PRKCH: variants seen among roughly 807,000 people sequenced by gnomAD.
The protein encoded by PRKCH is protein kinase C eta.
Under a neutral mutation model 82.5 loss-of-function variants are expected in PRKCH, and 28 were observed. The observed-to-expected ratio is 0.34, with a 90% CI of 0.25 to 0.47. PRKCH has a LOEUF of 0.47. Among genes scored for constraint, PRKCH ranks in the 20% least tolerant of loss-of-function variants. The probability of loss-of-function intolerance (pLI) is 1.00; values close to 1 mark genes in which losing one functional copy is unlikely to be tolerated. For synonymous variants in PRKCH, 322 were observed against 327.4 expected (o/e 0.98, Z 0.18); for missense variants, 705 against 881.8 (o/e 0.80, Z 2.54).
At chr14:61,200,585 A>T (rs2044473517) in intron 1 of PRKCH, among the ~76,000 whole-genome samples, 1 of 152,182 alleles carries the variant, frequency 6.6e-6, no homozygotes, top group Non-Finnish European at 1.5e-5. Flanking sequence ...AAAATTGACC[A>T]TTCAGCTCAC....
chr14:61,529,888 TA>T (rs1297277454), intron 11 of PRKCH, among the ~76,000 whole-genome samples: 1 of 117,044 alleles, frequency 8.5e-6, no homozygotes, highest in Non-Finnish European at 1.8e-5. Flanking sequence ...GCATGTACCC[TA>T]AAACTTAAAG....
intron 5 of PRKCH, among the ~76,000 whole-genome samples, chr14:61,449,894 CTCTCTCTGTG>C (rs60896442): frequency 0.074 from 1,831 of 24,824 alleles, 19 homozygotes; most frequent in East Asian, 0.36. Context: ...CTCTCTCTCT[CTCTCTCTGTG>C]TGTGTGTGTG....
At chr14:61,435,457 G>C (rs1238161314) in intron 2 of PRKCH, among the ~76,000 whole-genome samples, 1 of 151,874 alleles carries the variant, frequency 6.6e-6, no homozygotes, top group African/African-American at 2.4e-5. Context: ...CCGAGAAGAG[G>C]GTTCAGCCCA....
intron 2 of PRKCH, among the ~76,000 whole-genome samples, chr14:61,396,081 GAAAA>G (rs34478520): frequency 2.5e-5 from 3 of 120,564 alleles, no homozygotes; most frequent in African/African-American, 6.4e-5. Context: ...CCTTGTTTCA[GAAAA>G]AAAAAAAAAA....
At chr14:61,436,222 C>T (rs1179507679) in intron 2 of PRKCH, among the ~76,000 whole-genome samples, 3 of 152,146 alleles carry the variant, frequency 2.0e-5, no homozygotes, top group Admixed American at 6.5e-5. Context: ...TGCTATGAGC[C>T]GTAGGTCCTA....
intron 10 of PRKCH, among the ~76,000 whole-genome samples, chr14:61,515,498 T>C (rs1350437881): frequency 1.3e-5 from 2 of 152,206 alleles, no homozygotes; most frequent in Non-Finnish European, 2.9e-5. Context: ...CACTTGACAC[T>C]AAACAGAGAT....
intron 1 of PRKCH, among the ~76,000 whole-genome samples, chr14:61,264,009 G>C (rs1266227216): frequency 6.6e-6 from 1 of 152,042 alleles, no homozygotes; most frequent in African/African-American, 2.4e-5. Context: ...TTGTTTAACT[G>C]AGTCCTTGCT....
intron 1 of PRKCH, among the ~76,000 whole-genome samples, chr14:61,295,099 C>G (rs907212023): frequency 6.6e-6 from 1 of 152,174 alleles, no homozygotes; most frequent in Non-Finnish European, 1.5e-5. Flanking sequence ...CTTCCAGCCT[C>G]AAATGATCCA....
chr14:61,468,890 G>A (rs1276522324), intron 9 of PRKCH, among the ~76,000 whole-genome samples: 1 of 152,130 alleles, frequency 6.6e-6, no homozygotes, highest in South Asian at 2.1e-4. Flanking sequence ...TGATTGCTTG[G>A]TTATGGTTTT....
intron 2 of PRKCH, among the ~76,000 whole-genome samples, chr14:61,402,365 TAAAG>T (rs1399583247): frequency 6.6e-6 from 1 of 152,238 alleles, no homozygotes; most frequent in East Asian, 1.9e-4. Flanking sequence ...TGTGTGGTAT[TAAAG>T]AAGAATATCT....
At chr14:61,527,103 A>G (rs2042976031) in intron 10 of PRKCH, among the ~76,000 whole-genome samples, 1 of 152,172 alleles carries the variant, frequency 6.6e-6, no homozygotes, top group African/African-American at 2.4e-5. Context: ...GGGTTTTTTT[A>G]AGAGAGCACT....
intron 1 of PRKCH, among the ~76,000 whole-genome samples, chr14:61,232,098 C>T (rs930279178): frequency 3.3e-5 from 5 of 152,234 alleles, no homozygotes; most frequent in Admixed American, 2.6e-4. Context: ...GGTTGTTTCG[C>T]TTTTGCTTCT....
intron 1 of PRKCH, among the ~76,000 whole-genome samples, chr14:61,346,316 C>T (rs1333442623): frequency 1.3e-5 from 2 of 152,116 alleles, no homozygotes; most frequent in East Asian, 3.9e-4. Context: ...TTCTATAATA[C>T]CTTTGATTTT....
At chr14:61,476,153 C>T (rs746004878) in intron 9 of PRKCH, among the ~76,000 whole-genome samples, 1 of 152,130 alleles carries the variant, frequency 6.6e-6, no homozygotes, top group Non-Finnish European at 1.5e-5. Flanking sequence ...TTGGGTGAAA[C>T]GAATCTTGGC....
chr14:61,528,974 GT>G, intron 10 of PRKCH, 100 bp from the exon 11 acceptor site: 1 of 683,560 alleles, frequency 1.5e-6, no homozygotes, highest in Non-Finnish European at 1.9e-6. Flanking sequence ...GTGGCCGCAC[GT>G]GTGTGTGTGT....
intron 1 of PRKCH, among the ~76,000 whole-genome samples, chr14:61,247,145 A>G (rs2044892354): frequency 6.6e-6 from 1 of 152,206 alleles, no homozygotes; most frequent in African/African-American, 2.4e-5. Context: ...ATAATCAATA[A>G]TCCTCCCCAA....
At chr14:61,333,194 A>G (rs2045812211) in intron 1 of PRKCH, among the ~76,000 whole-genome samples, 1 of 152,244 alleles carries the variant, frequency 6.6e-6, no homozygotes. Context: ...AGCAGATTCC[A>G]TCTAAATCAG....
At chr14:61,489,059 A>G (rs1886347073) in intron 10 of PRKCH, among the ~76,000 whole-genome samples, 1 of 152,202 alleles carries the variant, frequency 6.6e-6, no homozygotes. Flanking sequence ...ACAGAGTCTT[A>G]AGGATAAGAC....
chr14:61,442,184 C>T (rs1365578941), intron 2 of PRKCH, among the ~76,000 whole-genome samples: 1 of 152,124 alleles, frequency 6.6e-6, no homozygotes, highest in African/African-American at 2.4e-5. Flanking sequence ...CAAGTCTCTG[C>T]ATACACTAGA....
Sources: gnomAD v4.1 joint callset for allele counts (sites outside exome capture counted in the v4.1 genomes callset) on GRCh38, gnomAD v4.1.1 for gene constraint, MANE v1.5 for transcripts, NCBI Gene and HGNC (gene_info 2026-07-23, HGNC 2026-07-21) for gene names.